The following DYNC2H1 variants were observed in gnomAD, a reference collection of about 807,000 sequenced individuals.
DYNC2H1 encodes the protein dynein cytoplasmic 2 heavy chain 1, also known as cytoplasmic dynein 2 heavy chain 1.
A neutral mutation model predicts 570.0 loss-of-function variants in DYNC2H1; 410 were observed. The observed-to-expected ratio is 0.72, with a 90% CI of 0.66 to 0.78. DYNC2H1 has a LOEUF of 0.78. DYNC2H1 is among the 30% of genes least tolerant of loss of function. DYNC2H1 has a pLI of 0.00. For missense variants in DYNC2H1, 4,865 were observed against 5,046.4 expected (o/e 0.96, Z 1.09); for synonymous variants, 1,688 against 1,677.6 (o/e 1.01, Z -0.15).
In DYNC2H1 at chr11:103,232,492, CAG is replaced by C. The variant is rs148185490; in HGVS notation, c.9440+1148_9440+1149del. Reference sequence around the variant, plus strand: ...AATTAACTTTTAATTTTAAATAAAACAGAATGACATTTTTCATTATAGAGTCA... The same window carrying C: ...AATTAACTTTTAATTTTAAATAAAACAATGACATTTTTCATTATAGAGTCA... On this transcript the variant is annotated intron_variant, in intron 60 of 88. Transcript: ENST00000375735. Among the ~76,000 whole-genome samples the C allele has an allele frequency of 7.7e-3, 1,170 of 151,934 alleles. 5 individuals are homozygous for C. Among genetic ancestry groups the C allele is most frequent in the Middle Eastern group, 0.021 (6 of 292 alleles).
intron 85 of DYNC2H1, among the ~76,000 whole-genome samples, chr11:103,445,501 A>G (rs1307059238): frequency 2.6e-5 from 4 of 152,204 alleles, no homozygotes; most frequent in African/African-American, 4.8e-5. Context: ...AAGTGAGGTT[A>G]TGATGGACTA....
chr11:103,198,595 A>G (rs1034790049), intron 48 of DYNC2H1, among the ~76,000 whole-genome samples: 6 of 152,208 alleles, frequency 3.9e-5, no homozygotes, highest in African/African-American at 1.4e-4. Flanking sequence ...TTAAAAATTA[A>G]TATTTATATT....
At chr11:103,436,871 A>G (rs117258300) in intron 85 of DYNC2H1, among the ~76,000 whole-genome samples, 2,854 of 152,146 alleles carry the variant, frequency 0.019, 43 homozygotes, top group Middle Eastern at 0.068. Flanking sequence ...GCACATAACT[A>G]TATTCTCTTT....
In DYNC2H1 at chr11:103,324,909, T is replaced by C. The variant is rs868841661; in HGVS notation, c.12039+919T>C. Among the ~76,000 whole-genome samples the C allele has an allele frequency of 6.6e-6, 1 of 152,288 alleles. No homozygotes were observed. The highest frequency in any genetic ancestry group is 2.4e-5 in the African/African-American group (1 of 41,582). ...GACTTTTTAATAATAGCCAGTCTGA[T>C]GGGCATGAGATGGTATCTCATTGTG... On this transcript the variant is annotated intron_variant, in intron 82 of 88. Transcript: ENST00000375735. This position sits in a 1 kb window ranked among gnomAD's most constrained non-coding sequence, Gnocchi z 5.2.
chr11:103,337,911 G>A (rs533761221), intron 82 of DYNC2H1, among the ~76,000 whole-genome samples: 16 of 152,018 alleles, frequency 1.1e-4, no homozygotes, highest in Admixed American at 9.8e-4. Flanking sequence ...TTTTTGCTTT[G>A]GTTTCTTGTG....
chr11:103,197,292 C>T lies in DYNC2H1; in HGVS notation c.7709-641C>T, dbSNP rs559429513. Among the ~76,000 whole-genome samples, 32 of 152,010 alleles carry T rather than the reference C, an allele frequency of 2.1e-4. No homozygotes were observed. In the East Asian group the frequency reaches 6.0e-3, roughly 28 times the overall value. On this transcript the variant is annotated intron_variant, in intron 47 of 88. Coordinates refer to ENST00000375735, the MANE Select transcript of DYNC2H1 (RefSeq NM_001377.3). ...AATAGAAGGAGGAAAATGGGACAAA[C>T]TGAGAATAGACAGTGGGGAGTAGTG...
At chr11:103,134,240 G>A in intron 14 of DYNC2H1, 81 bp from the exon 15 acceptor site, 2 of 1,179,120 alleles carry the variant, frequency 1.7e-6, no homozygotes. Flanking sequence ...TGGTTAAGGT[G>A]GTATCTGTCA....
intron 75 of DYNC2H1, among the ~76,000 whole-genome samples, chr11:103,300,897 C>G (rs1355155899): frequency 7.4e-6 from 1 of 135,868 alleles, no homozygotes; most frequent in African/African-American, 2.5e-5. Context: ...ACACTTAAGT[C>G]AGTAAGTAGT....
chr11:103,267,965 A>T (rs1431856983), intron 70 of DYNC2H1, among the ~76,000 whole-genome samples: 1 of 152,054 alleles, frequency 6.6e-6, no homozygotes, highest in Admixed American at 6.5e-5. Flanking sequence ...TAATATGACC[A>T]TGTACTACTT....
intron 75 of DYNC2H1, among the ~76,000 whole-genome samples, chr11:103,300,778 C>G (rs2135390534): frequency 6.6e-6 from 1 of 151,750 alleles, no homozygotes; most frequent in South Asian, 2.1e-4. Context: ...TGATTCTTGC[C>G]CTCATGAAGT....
At chr11:103,272,353 C>T (rs1314299987) in intron 70 of DYNC2H1, among the ~76,000 whole-genome samples, 1 of 151,778 alleles carries the variant, frequency 6.6e-6, no homozygotes, top group East Asian at 1.9e-4. Flanking sequence ...TGTTCTCACT[C>T]ATAGGTGGGA....
intron 1 of DYNC2H1, among the ~76,000 whole-genome samples, chr11:103,110,047 C>T (rs940102077): frequency 2.6e-5 from 4 of 152,130 alleles, no homozygotes; most frequent in African/African-American, 7.2e-5. Flanking sequence ...AATTTTTATA[C>T]GGAGTTTCGT....
rs746936651 is a variant in DYNC2H1, at chr11:103,235,801, G to A, written c.9697G>A (p.Ala3233Thr). The A allele has an allele frequency of 6.2e-7, 1 of 1,611,212 alleles. No individual in the cohort carries two copies. The highest frequency in any genetic ancestry group is 8.5e-7 in the Non-Finnish European group (1 of 1,178,138). ...CTGTTTGGAAGAATGGACCAAGTCA[G>A]CTGGTCTTGAGAGTTTGTATTTAGT... Reference protein sequence around the residue: ...KTCLEEWTKSAGLEKFDLRRF... With the variant: ...KTCLEEWTKSTGLEKFDLRRF... The change falls in exon 62 of 89, where the codon GCT becomes ACT. Residue 3233 changes from alanine (A) to threonine (T), a missense_variant. Physicochemically the swap from Ala to Thr is moderately conservative, Grantham distance 58 (BLOSUM62 0). This residue lies in a region of DYNC2H1 where 2,401 missense variants were observed against 2,454.6 expected (regional missense o/e 0.98). Transcript: ENST00000375735.
intron 84 of DYNC2H1, among the ~76,000 whole-genome samples, chr11:103,428,950 G>T (rs956187044): frequency 2.6e-5 from 4 of 152,004 alleles, no homozygotes; most frequent in Admixed American, 6.6e-5. Flanking sequence ...AAGATAACAA[G>T]CATTCTATTT....
chr11:103,184,836 C>T, intron 40 of DYNC2H1, 60 bp from the exon 41 acceptor site: 10 of 1,582,604 alleles, frequency 6.3e-6, no homozygotes, highest in Non-Finnish European at 8.6e-6. Flanking sequence ...CTGTATGGTT[C>T]TATGTTTACT....
intron 17 of DYNC2H1, among the ~76,000 whole-genome samples, chr11:103,141,743 C>T (rs1354330470): frequency 6.6e-6 from 1 of 152,260 alleles, no homozygotes; most frequent in Admixed American, 6.5e-5. Flanking sequence ...CTCTTCAAAG[C>T]TGTCAGTGAC....
chr11:103,139,765 A>C (rs1859795975), intron 17 of DYNC2H1, among the ~76,000 whole-genome samples: 2 of 151,878 alleles, frequency 1.3e-5, no homozygotes, highest in Non-Finnish European at 2.9e-5. Context: ...ATTCCTGGGT[A>C]TCCTTGTTAA....
At chr11:103,166,248 T>C (rs548081749) in intron 31 of DYNC2H1, among the ~76,000 whole-genome samples, 200 bp downstream of exon 31, 1 of 152,284 alleles carries the variant, frequency 6.6e-6, no homozygotes, top group African/African-American at 2.4e-5. Context: ...CTTACTACCA[T>C]ATAGGCTTCT....
intron 36 of DYNC2H1, among the ~76,000 whole-genome samples, chr11:103,175,340 G>A (rs1258863988): frequency 6.6e-6 from 1 of 152,144 alleles, no homozygotes; most frequent in Non-Finnish European, 1.5e-5. Context: ...TGCCTGGGTA[G>A]ATATAGTTAT....
Sources: allele counts gnomAD v4.1 joint callset (sites outside exome capture counted in the v4.1 genomes callset), GRCh38; gene constraint gnomAD v4.1.1; regional missense constraint gnomAD v4.1.1; non-coding constraint Gnocchi (gnomAD v3.1); transcripts MANE v1.5; gene names NCBI Gene and HGNC (gene_info 2026-07-23, HGNC 2026-07-21).